Variants in RAPGEF2 observed in about 807,000 individuals in gnomAD.
RAPGEF2 encodes the protein Rap guanine nucleotide exchange factor 2.
In RAPGEF2, 54 loss-of-function variants were observed where a neutral mutation model predicts 186.7. That is an observed-to-expected ratio of 0.29 (90% confidence interval 0.23 to 0.36). The LOEUF is 0.36. Ranked by LOEUF, RAPGEF2 falls within the 10% of genes least tolerant of loss-of-function variation. The probability of loss-of-function intolerance (pLI) is 1.00; values close to 1 mark genes in which losing one functional copy is unlikely to be tolerated. For synonymous variants in RAPGEF2, 712 were observed against 705.9 expected (o/e 1.01, Z -0.14); for missense variants, 1,532 against 2,045.0 (o/e 0.75, Z 4.84).
chr4:159,296,653 T>G (rs1225374507), intron 7 of RAPGEF2, among the ~76,000 whole-genome samples: 7 of 152,196 alleles, frequency 4.6e-5, no homozygotes, highest in African/African-American at 1.4e-4. Context: ...GTTGTAAAAA[T>G]TAAGTAAGCT....
At chr4:159,199,804 G>A (rs756223027) in intron 3 of RAPGEF2, among the ~76,000 whole-genome samples, 3 of 152,172 alleles carry the variant, frequency 2.0e-5, no homozygotes, top group Non-Finnish European at 4.4e-5. Flanking sequence ...GTCTCTGGGT[G>A]TGTATAAGTT....
At chr4:159,140,399 C>G (rs1742181690) in intron 1 of RAPGEF2, among the ~76,000 whole-genome samples, 1 of 152,212 alleles carries the variant, frequency 6.6e-6, no homozygotes, top group South Asian at 2.1e-4. Flanking sequence ...ACTTACCTTT[C>G]TCTTTTAAAA....
In RAPGEF2 at chr4:159,186,625, T is replaced by A. The variant is rs1468672796; in HGVS notation, c.70-17T>A. The stretch of plus-strand genomic sequence containing the variant: ...TCCTGACAGGTCTAATAATTTCTAT[T>A]CTTTTCTTTGAAACAGGATCTGGAA... On this transcript the variant is annotated splice_polypyrimidine_tract_variant and intron_variant, in intron 1 of 29. Transcript: ENST00000691494. 7.4e-7 allele frequency: 1 copy of A among 1,351,372 alleles called. No homozygotes were observed. The highest frequency in any genetic ancestry group is 9.9e-7 in the Non-Finnish European group (1 of 1,008,724). 83.7% of individuals were successfully genotyped at this position (1,351,372 alleles called of 1,614,324 possible). A position where few individuals can be genotyped will look rare whatever the true frequency, so the allele number is the denominator to read the frequency against.
chr4:159,255,016 G>T (rs1045290903), intron 7 of RAPGEF2, among the ~76,000 whole-genome samples: 1 of 152,148 alleles, frequency 6.6e-6, no homozygotes, highest in East Asian at 1.9e-4. Context: ...TAGCTTTTCC[G>T]TGTTTAGGTA....
chr4:159,321,283 T>G (rs1037035468), intron 9 of RAPGEF2, among the ~76,000 whole-genome samples: 3 of 151,848 alleles, frequency 2.0e-5, no homozygotes, highest in African/African-American at 4.8e-5. Context: ...CACAGTTCAT[T>G]ATAACCTCAA....
chr4:159,274,533 A>G (rs115189707), intron 7 of RAPGEF2, among the ~76,000 whole-genome samples: 1,950 of 152,318 alleles, frequency 0.013, 13 homozygotes, highest in Middle Eastern at 0.037. Flanking sequence ...AATTTAAATG[A>G]AAGTTTGTAA....
chr4:159,123,599 CT>C (rs1387055788), intron 1 of RAPGEF2, among the ~76,000 whole-genome samples: 3 of 145,320 alleles, frequency 2.1e-5, no homozygotes, highest in African/African-American at 7.7e-5. Flanking sequence ...AGTGCAGTGG[CT>C]CGATCTCAGC....
chr4:159,239,604 G>A (rs563651010), intron 5 of RAPGEF2, among the ~76,000 whole-genome samples: 2 of 152,206 alleles, frequency 1.3e-5, no homozygotes, highest in East Asian at 1.9e-4. Context: ...ATACTTTGAA[G>A]CTTAAAAACC....
At chr4:159,160,555 G>C (rs1316901573) in intron 1 of RAPGEF2, among the ~76,000 whole-genome samples, 2 of 152,226 alleles carry the variant, frequency 1.3e-5, no homozygotes, top group African/African-American at 2.4e-5. Context: ...AACTTCAGTA[G>C]CAATTTGAAG....
At chr4:159,279,132 A>T (rs776088615) in intron 7 of RAPGEF2, among the ~76,000 whole-genome samples, 1 of 151,958 alleles carries the variant, frequency 6.6e-6, no homozygotes, top group Non-Finnish European at 1.5e-5. Flanking sequence ...TGTTCCAGGC[A>T]GTGTTCGAAA....
At chr4:159,216,117 T>G (rs1051002027) in intron 4 of RAPGEF2, among the ~76,000 whole-genome samples, 1 of 152,202 alleles carries the variant, frequency 6.6e-6, no homozygotes, top group Non-Finnish European at 1.5e-5. Context: ...CTGCTCATTT[T>G]AAAACATTAA....
At chr4:159,344,198 T>C in intron 23 of RAPGEF2, 139 bp downstream of exon 23, 1 of 839,498 alleles carries the variant, frequency 1.2e-6, no homozygotes, top group Non-Finnish European at 1.9e-6. Flanking sequence ...GAATTTCAGA[T>C]GGCAAATTGA....
At chr4:159,205,561 G>A (rs918364081) in intron 3 of RAPGEF2, among the ~76,000 whole-genome samples, 1 of 152,150 alleles carries the variant, frequency 6.6e-6, no homozygotes, top group Non-Finnish European at 1.5e-5. Context: ...TGTGCCATTG[G>A]GGGAGGGACC....
rs1478626927 is a variant in RAPGEF2 at position 159,358,966 on chromosome 4, GTAA to G, written c.*828_*830del. On this transcript the variant is annotated 3_prime_UTR_variant, in exon 30 of 30. Transcript: ENST00000691494. ...CTTCCCCAGTGGATGGGGTTCTTCT[GTAA>G]AACTGTTTGCACATGGCCAGGGGAG... The G allele has an allele frequency of 1.3e-5, 2 of 152,362 alleles. No homozygotes were observed. Among genetic ancestry groups the G allele is most frequent in the African/African-American group, 2.4e-5 (1 of 41,558 alleles). 9.4% of individuals were successfully genotyped at this position (152,362 alleles called of 1,614,324 possible).
chr4:159,351,961 A>C (rs1159703443), intron 26 of RAPGEF2, among the ~76,000 whole-genome samples: 1 of 152,228 alleles, frequency 6.6e-6, no homozygotes, highest in Non-Finnish European at 1.5e-5. Context: ...AAAAACAAAA[A>C]AATCAAGATA....
intron 7 of RAPGEF2, among the ~76,000 whole-genome samples, chr4:159,261,346 G>A (rs528160418): frequency 1.3e-5 from 2 of 152,146 alleles, no homozygotes; most frequent in South Asian, 2.1e-4. Flanking sequence ...ACGGGCGTGA[G>A]CCACCGCATC....
chr4:159,314,792 T>A (rs1456945294), intron 9 of RAPGEF2, 24 bp downstream of exon 9: 2 of 1,552,848 alleles, frequency 1.3e-6, no homozygotes, highest in Non-Finnish European at 1.7e-6. Context: ...GGAAAATGAA[T>A]CTACGAGCAA....
At chr4:159,295,565 C>T (rs947998830) in intron 7 of RAPGEF2, among the ~76,000 whole-genome samples, 5 of 151,988 alleles carry the variant, frequency 3.3e-5, no homozygotes, top group African/African-American at 9.7e-5. Context: ...ATAAACAGTT[C>T]GATTGTACCA....
At chr4:159,315,880 AG>A (rs1365235411) in intron 9 of RAPGEF2, among the ~76,000 whole-genome samples, 2 of 152,216 alleles carry the variant, frequency 1.3e-5, no homozygotes, top group Non-Finnish European at 2.9e-5. Flanking sequence ...ACTGAAGCAC[AG>A]GATCACAGGG....
Sources: allele counts gnomAD v4.1 joint callset (sites outside exome capture counted in the v4.1 genomes callset), GRCh38; gene constraint gnomAD v4.1.1; transcripts MANE v1.5; gene names NCBI Gene and HGNC (gene_info 2026-07-23, HGNC 2026-07-21).